The following TTC28 variants were observed in gnomAD, a reference collection of about 807,000 sequenced individuals.
TTC28 encodes the protein tetratricopeptide repeat domain 28, also known as tetratricopeptide repeat protein 28.
TTC28 carries 61 observed loss-of-function variants against 198.0 expected under a neutral mutation model. The observed-to-expected ratio is 0.31, with a 90% confidence interval of 0.25 to 0.38. TTC28 has a LOEUF of 0.38. Ranked by LOEUF, TTC28 falls within the 10% of genes least tolerant of loss-of-function variation. The pLI is 1.00. For missense variants in TTC28, 2,678 were observed against 3,164.0 expected (o/e 0.85, Z 3.69); for synonymous variants, 1,171 against 1,297.8 (o/e 0.90, Z 2.10).
intron 1 of TTC28, among the ~76,000 whole-genome samples, chr22:28,648,552 T>C (rs563539364): frequency 1.3e-5 from 2 of 152,344 alleles, no homozygotes; most frequent in South Asian, 2.1e-4. Context: ...CATATGTTTA[T>C]TGCCCCACAA....
chr22:28,636,760 T>C (rs2146224201), intron 1 of TTC28, among the ~76,000 whole-genome samples: 2 of 152,292 alleles, frequency 1.3e-5, no homozygotes, highest in Admixed American at 1.3e-4. Context: ...GTTCCTTATA[T>C]ATTTTGGATA....
intron 5 of TTC28, among the ~76,000 whole-genome samples, chr22:28,287,695 G>T (rs944147813): frequency 2.0e-5 from 3 of 152,126 alleles, no homozygotes; most frequent in Non-Finnish European, 4.4e-5. Context: ...ATAAGAAAAG[G>T]TTATGAAGGG....
At chr22:28,096,532 G>T in intron 10 of TTC28, 124 bp from the exon 11 acceptor site, 1 of 1,006,770 alleles carries the variant, frequency 9.9e-7, no homozygotes, top group Admixed American at 2.4e-5. Context: ...ATATGTGACA[G>T]AATCTCAGTC....
intron 5 of TTC28, among the ~76,000 whole-genome samples, chr22:28,225,181 C>A (rs1014410664): frequency 1.3e-5 from 2 of 151,870 alleles, no homozygotes; most frequent in African/African-American, 4.8e-5. Flanking sequence ...ATAGTGAAAC[C>A]CCATCTCTAC....
intron 12 of TTC28, among the ~76,000 whole-genome samples, chr22:28,067,590 C>T (rs74999160): frequency 1.9e-3 from 287 of 152,230 alleles, no homozygotes; most frequent in Middle Eastern, 0.01. Context: ...TACAAACCTA[C>T]GAGCTCCTCA....
chr22:28,673,025 G>A (rs2051914668), intron 1 of TTC28, among the ~76,000 whole-genome samples: 1 of 152,196 alleles, frequency 6.6e-6, no homozygotes, highest in Non-Finnish European at 1.5e-5. Flanking sequence ...CTAAGAAATA[G>A]CAAATGGTCT....
chr22:28,606,697 A>G (rs1221361760), intron 2 of TTC28, among the ~76,000 whole-genome samples: 1 of 152,190 alleles, frequency 6.6e-6, no homozygotes, highest in Non-Finnish European at 1.5e-5. Flanking sequence ...AGACTGACCA[A>G]AAAGACCTGA....
intron 5 of TTC28, among the ~76,000 whole-genome samples, chr22:28,259,594 T>C (rs1363320403): frequency 6.6e-6 from 1 of 151,984 alleles, no homozygotes; most frequent in Non-Finnish European, 1.5e-5. Context: ...TAACCTCAGA[T>C]CAATGTATGT....
At chr22:28,240,534 C>T (rs1929588827) in intron 5 of TTC28, among the ~76,000 whole-genome samples, 1 of 152,100 alleles carries the variant, frequency 6.6e-6, no homozygotes, top group Admixed American at 6.5e-5. Flanking sequence ...TCTATATACA[C>T]ACAAATACAT....
At chr22:28,286,340 C>A (rs1366980522) in intron 5 of TTC28, among the ~76,000 whole-genome samples, 1 of 152,110 alleles carries the variant, frequency 6.6e-6, no homozygotes, top group Non-Finnish European at 1.5e-5. Flanking sequence ...ACTTTAATAA[C>A]ACATTTTAAT....
chr22:28,354,930 G>C (rs899336584), intron 2 of TTC28, among the ~76,000 whole-genome samples: 1 of 150,240 alleles, frequency 6.7e-6, no homozygotes, highest in Non-Finnish European at 1.5e-5. Flanking sequence ...CCACTAACTC[G>C]TCATCTAGCA....
intron 2 of TTC28, among the ~76,000 whole-genome samples, chr22:28,522,423 G>C (rs1202050012): frequency 6.6e-6 from 1 of 151,962 alleles, no homozygotes; most frequent in Non-Finnish European, 1.5e-5. Flanking sequence ...AGGAGGTGGA[G>C]GTTGCAGTGA....
intron 12 of TTC28, among the ~76,000 whole-genome samples, chr22:28,057,897 T>C (rs558752588): frequency 1.3e-5 from 2 of 152,262 alleles, no homozygotes; most frequent in East Asian, 3.9e-4. Flanking sequence ...AAAAATCAAA[T>C]GACCATATGA....
intron 5 of TTC28, among the ~76,000 whole-genome samples, chr22:28,292,221 T>TC (rs1183502658): frequency 1.3e-5 from 2 of 152,166 alleles, no homozygotes; most frequent in African/African-American, 4.8e-5. Flanking sequence ...GGCCTCTCTC[T>TC]CTCTTGCCCA....
At chr22:28,597,740 A>T (rs2050565445) in intron 2 of TTC28, among the ~76,000 whole-genome samples, 1 of 152,196 alleles carries the variant, frequency 6.6e-6, no homozygotes, top group Admixed American at 6.5e-5. Flanking sequence ...ACTATTTTTA[A>T]AAACTTAAAT....
intron 12 of TTC28, among the ~76,000 whole-genome samples, chr22:28,057,488 T>A (rs1474400280): frequency 2.0e-5 from 3 of 152,162 alleles, no homozygotes; most frequent in African/African-American, 4.8e-5. Context: ...GATTATTCTA[T>A]TAATTAAATT....
chr22:28,582,607 G>A (rs776388800), intron 2 of TTC28, among the ~76,000 whole-genome samples: 11 of 151,754 alleles, frequency 7.2e-5, no homozygotes, highest in African/African-American at 2.7e-4. Context: ...GAAAACTAAC[G>A]AATCTCAAAA....
chr22:28,294,030 T>C (rs2044840748), intron 5 of TTC28, among the ~76,000 whole-genome samples: 1 of 152,142 alleles, frequency 6.6e-6, no homozygotes, highest in African/African-American at 2.4e-5. Flanking sequence ...AGAAAAGGAA[T>C]GTGGTAGCTG....
intron 12 of TTC28, among the ~76,000 whole-genome samples, chr22:28,040,007 G>T (rs943307357): frequency 1.9e-4 from 29 of 152,102 alleles, no homozygotes; most frequent in African/African-American, 6.3e-4. Flanking sequence ...TAAATTCCTG[G>T]ACACATACAC....
Sources: gnomAD v4.1 joint callset for allele counts (sites outside exome capture counted in the v4.1 genomes callset) on GRCh38, gnomAD v4.1.1 for gene constraint, MANE v1.5 for transcripts, NCBI Gene and HGNC (gene_info 2026-07-23, HGNC 2026-07-21) for gene names.